ZFR: variants seen among roughly 807,000 people sequenced by gnomAD.
ZFR encodes the protein zinc finger RNA-binding protein.
A neutral mutation model predicts 130.7 loss-of-function variants in ZFR; 19 were observed. That is an observed-to-expected ratio of 0.15 (90% CI 0.10 to 0.21). The LOEUF is 0.21. ZFR is among the 10% of genes least tolerant of loss of function. The pLI, the probability that ZFR is intolerant of heterozygous loss-of-function variation, is 1.00. For missense variants in ZFR, 872 were observed against 1,321.5 expected, an observed-to-expected ratio of 0.66 and a Z score of 5.27; for synonymous variants, 466 against 456.9, an observed-to-expected ratio of 1.02 and a Z score of -0.25.
intron 17 of ZFR, among the ~76,000 whole-genome samples, chr5:32,373,069 A>G (rs1339784864): frequency 1.3e-5 from 2 of 152,252 alleles, no homozygotes; most frequent in South Asian, 2.1e-4. Context: ...TTACCAAAAC[A>G]AAAGTAACCC....
intron 2 of ZFR, among the ~76,000 whole-genome samples, chr5:32,441,478 G>A (rs1235983957): frequency 6.6e-6 from 1 of 151,110 alleles, no homozygotes; most frequent in Non-Finnish European, 1.5e-5. Context: ...CAAAAAGTTG[G>A]CCCTCCATGA....
intron 2 of ZFR, among the ~76,000 whole-genome samples, chr5:32,429,925 T>G (rs145994575): frequency 0.011 from 1,637 of 151,788 alleles, 25 homozygotes; most frequent in African/African-American, 0.038. Flanking sequence ...TTTTTTTGTT[T>G]TAATTAGCCA....
At chr5:32,430,079 C>CAAAAA (rs56163955) in intron 2 of ZFR, among the ~76,000 whole-genome samples, 765 of 70,148 alleles carry the variant, frequency 0.011, 30 homozygotes, top group Non-Finnish European at 0.014. Context: ...GACCCTATTT[C>CAAAAA]AAAAAAAAAA....
At chr5:32,438,251 AAATTTTTTTTTTT>A (rs1366473247) in intron 2 of ZFR, among the ~76,000 whole-genome samples, 5 of 34,662 alleles carry the variant, frequency 1.4e-4, no homozygotes, top group South Asian at 1.1e-3. Flanking sequence ...TTTTATCTGA[AAATTTTTTTTTTT>A]TTTTTTTTTT....
chr5:32,359,489 G>T (rs1273805814), intron 19 of ZFR, among the ~76,000 whole-genome samples: 1 of 152,070 alleles, frequency 6.6e-6, no homozygotes, highest in Non-Finnish European at 1.5e-5. Flanking sequence ...AGAAGAATGT[G>T]GCATTCACTG....
At chr5:32,363,038 C>T (rs900774364) in intron 19 of ZFR, among the ~76,000 whole-genome samples, 1 of 152,202 alleles carries the variant, frequency 6.6e-6, no homozygotes, top group Non-Finnish European at 1.5e-5. Flanking sequence ...TATTTTGAGT[C>T]TGTAAGATAT....
At chr5:32,409,063 C>G (rs1008192529) in intron 5 of ZFR, among the ~76,000 whole-genome samples, 3 of 152,046 alleles carry the variant, frequency 2.0e-5, no homozygotes, top group African/African-American at 7.2e-5. Context: ...TTTGAGAGAC[C>G]AAAAAGTTTA....
At chr5:32,374,112 C>G (rs547481919) in intron 17 of ZFR, among the ~76,000 whole-genome samples, 2 of 152,306 alleles carry the variant, frequency 1.3e-5, no homozygotes, top group Middle Eastern at 3.4e-3. Flanking sequence ...CTTACTACAA[C>G]AGAGATAGCT....
rs377336021 is a variant in ZFR, at chr5:32,385,603, G to A, written c.2546C>T (p.Ala849Val). 17 of 1,613,300 alleles carry A rather than the reference G, an allele frequency of 1.1e-5. No homozygotes were observed. Among genetic ancestry groups the A allele is most frequent in the Non-Finnish European group, 1.4e-5 (16 of 1,179,478 alleles). The change falls in exon 15 of 20, where the codon GCG becomes GTG. Residue 849 changes from alanine to valine, a missense_variant. Ala to Val is a moderately conservative substitution (Grantham distance 64). Coordinates refer to ENST00000265069, the MANE Select transcript of ZFR (RefSeq NM_016107.5). Reference protein sequence around the residue: ...KYDIKCAVSEAAIILNSCVEP... With the variant: ...KYDIKCAVSEVAIILNSCVEP... The stretch of plus-strand genomic sequence containing the variant: ...CACACATGAATTCAAAATTATTGCC[G>A]CTTCAGATACAGCACATTTTATGTC...
At chr5:32,410,476 C>T (rs893036226) in intron 5 of ZFR, among the ~76,000 whole-genome samples, 3 of 151,642 alleles carry the variant, frequency 2.0e-5, no homozygotes, top group African/African-American at 7.3e-5. Context: ...ATTAGCCAGG[C>T]ATGGTGGCTC....
At chr5:32,436,728 C>T (rs907263603) in intron 2 of ZFR, among the ~76,000 whole-genome samples, 1 of 152,138 alleles carries the variant, frequency 6.6e-6, no homozygotes, top group African/African-American at 2.4e-5. Context: ...CCAGCCTAGG[C>T]CTACCAAAGT....
chr5:32,413,061 C>T (rs892371896), intron 5 of ZFR, among the ~76,000 whole-genome samples: 14 of 151,958 alleles, frequency 9.2e-5, no homozygotes, highest in African/African-American at 3.1e-4. Context: ...TGGTGGCGCA[C>T]GCTTGTAGTC....
intron 9 of ZFR, 61 bp downstream of exon 9, chr5:32,399,946 C>A: frequency 7.2e-7 from 1 of 1,394,900 alleles, no homozygotes; most frequent in Non-Finnish European, 9.6e-7. Context: ...GTAACATATG[C>A]TCGTAATGCA....
intron 5 of ZFR, among the ~76,000 whole-genome samples, chr5:32,408,539 A>G (rs987269176): frequency 6.6e-6 from 1 of 152,180 alleles, no homozygotes; most frequent in Non-Finnish European, 1.5e-5. Flanking sequence ...ATCTAAAAAC[A>G]TCTTCATTAT....
In ZFR at chr5:32,417,640, A is replaced by C. The variant is rs200855359; in HGVS notation, c.565+8T>G. The C allele has an allele frequency of 3.0e-5, 49 of 1,611,916 alleles. No homozygotes were observed. Among genetic ancestry groups the C allele is most frequent in the Non-Finnish European group, 4.0e-5 (47 of 1,179,856 alleles). On this transcript the variant is annotated splice_region_variant and intron_variant, in intron 4 of 19. Transcript: ENST00000265069. ...TACAAAGAAACTCTGTAGGTTAAGAAAACCCACCTGTCTGATAGTAAGTTT... is the reference window on the plus strand; with the variant it reads ...TACAAAGAAACTCTGTAGGTTAAGACAACCCACCTGTCTGATAGTAAGTTT...
chr5:32,401,681 T>A (rs1358313241), intron 8 of ZFR, among the ~76,000 whole-genome samples: 1 of 152,110 alleles, frequency 6.6e-6, no homozygotes, highest in African/African-American at 2.4e-5. Flanking sequence ...ACAGATTTTA[T>A]CCTATTGCAG....
intron 14 of ZFR, 40 bp downstream of exon 14, chr5:32,387,509 C>G: frequency 6.3e-7 from 1 of 1,599,024 alleles, no homozygotes; most frequent in Non-Finnish European, 8.5e-7. Context: ...AACTTCTGAA[C>G]CAGACAAGGG....
chr5:32,402,347 T>C (rs1041376717), intron 8 of ZFR, among the ~76,000 whole-genome samples: 4 of 152,094 alleles, frequency 2.6e-5, no homozygotes, highest in Admixed American at 2.6e-4. Flanking sequence ...GTCAATAGGA[T>C]GAAACTGAAA....
At chr5:32,414,294 T>A (rs539591904) in intron 5 of ZFR, among the ~76,000 whole-genome samples, 17 of 152,138 alleles carry the variant, frequency 1.1e-4, no homozygotes, top group Non-Finnish European at 2.4e-4. Flanking sequence ...TCACAGCATA[T>A]CTTCTGGGAG....
Sources: allele counts gnomAD v4.1 joint callset (sites outside exome capture counted in the v4.1 genomes callset), GRCh38; gene constraint gnomAD v4.1.1; transcripts MANE v1.5; gene names NCBI Gene and HGNC (gene_info 2026-07-23, HGNC 2026-07-21).